The following TAFA4 variants were observed in gnomAD, a reference collection of about 807,000 sequenced individuals.
The protein encoded by TAFA4 is TAFA chemokine like family member 4, also known as chemokine-like protein TAFA-4.
TAFA4 carries 20 observed loss-of-function variants against 21.1 expected under a neutral mutation model. That is an observed-to-expected ratio of 0.95 (90% CI 0.67 to 1.38). The LOEUF (loss-of-function observed/expected upper bound fraction) is 1.38. Among genes scored for constraint, TAFA4 ranks in the 40% most tolerant of loss-of-function variants. The pLI is 0.00. For synonymous variants in TAFA4, 71 were observed against 67.4 expected, an observed-to-expected ratio of 1.05 and a Z score of -0.26; for missense variants, 211 against 180.9, an observed-to-expected ratio of 1.17 and a Z score of -0.95.
At chr3:68,833,115 C>G (rs1299425548) in intron 3 of TAFA4, among the ~76,000 whole-genome samples, 1 of 152,236 alleles carries the variant, frequency 6.6e-6, no homozygotes, top group African/African-American at 2.4e-5. Flanking sequence ...TCACTCACAG[C>G]TTCCCTTGGC....
At chr3:68,882,531 C>T (rs540110974) in intron 2 of TAFA4, among the ~76,000 whole-genome samples, 105 of 152,260 alleles carry the variant, frequency 6.9e-4, no homozygotes, top group Non-Finnish European at 1.2e-3. Flanking sequence ...GCCCAACCAG[C>T]CCAACTCATT....
chr3:68,796,675 ATAAC>A (rs1212103346), intron 3 of TAFA4, among the ~76,000 whole-genome samples: 2 of 152,244 alleles, frequency 1.3e-5, no homozygotes, highest in South Asian at 2.1e-4. Flanking sequence ...ATCAAAAGAC[ATAAC>A]TAACAGCTTG....
intron 1 of TAFA4, among the ~76,000 whole-genome samples, chr3:68,891,497 G>T (rs1323753155): frequency 6.6e-6 from 1 of 152,162 alleles, no homozygotes; most frequent in Non-Finnish European, 1.5e-5. Context: ...GGATCTACCG[G>T]GATAGCCTGG....
Position 68,885,221 on chromosome 3 carries a change from A to G in TAFA4, c.-33T>C. The G allele has an allele frequency of 6.2e-7, 1 of 1,608,670 alleles. No homozygotes were observed. The highest frequency in any genetic ancestry group is 8.5e-7 in the Non-Finnish European group (1 of 1,177,184). On this transcript the variant is annotated 5_prime_UTR_variant, in exon 2 of 6. Coordinates refer to ENST00000295569, the MANE Select transcript of TAFA4 (RefSeq NM_182522.5). ...GGTTCTAGTCAAACACACTTATTCCAGGATATATTTCAGAGTGACTCCAAA... is the reference window on the plus strand; with the variant it reads ...GGTTCTAGTCAAACACACTTATTCCGGGATATATTTCAGAGTGACTCCAAA...
At chr3:68,856,189 A>T (rs9822138) in intron 3 of TAFA4, among the ~76,000 whole-genome samples, 64,053 of 151,938 alleles carry the variant, frequency 0.42, 13,887 homozygotes, top group African/African-American at 0.47. Flanking sequence ...ACCCTAACTG[A>T]TTAACAATCC....
At chr3:68,744,414 C>G (rs1702413822) in intron 4 of TAFA4, among the ~76,000 whole-genome samples, 1 of 152,114 alleles carries the variant, frequency 6.6e-6, no homozygotes, top group African/African-American at 2.4e-5. Flanking sequence ...GGAGTCTGAG[C>G]CAAGTAGTGC....
chr3:68,756,783 A>C (rs1702667593), intron 3 of TAFA4, among the ~76,000 whole-genome samples: 1 of 152,222 alleles, frequency 6.6e-6, no homozygotes, highest in Non-Finnish European at 1.5e-5. Context: ...AACCTAATTA[A>C]ATGTTCATAA....
intron 3 of TAFA4, among the ~76,000 whole-genome samples, chr3:68,858,471 A>G (rs1468656085): frequency 1.3e-5 from 2 of 152,048 alleles, no homozygotes; most frequent in Non-Finnish European, 2.9e-5. Flanking sequence ...AAGAGAAATC[A>G]TCACTTTACT....
At chr3:68,785,514 C>A (rs1703237161) in intron 3 of TAFA4, among the ~76,000 whole-genome samples, 1 of 152,234 alleles carries the variant, frequency 6.6e-6, no homozygotes, top group Non-Finnish European at 1.5e-5. Flanking sequence ...AGCTGCTGGC[C>A]CAGGTGCTAA....
intron 3 of TAFA4, among the ~76,000 whole-genome samples, chr3:68,833,188 C>T (rs1704441344): frequency 6.6e-6 from 1 of 152,226 alleles, no homozygotes; most frequent in Non-Finnish European, 1.5e-5. Flanking sequence ...CCTGCTTAAG[C>T]TTGCCTTCTG....
chr3:68,815,929 T>A (rs1021494437), intron 3 of TAFA4, among the ~76,000 whole-genome samples: 1 of 152,164 alleles, frequency 6.6e-6, no homozygotes, highest in Non-Finnish European at 1.5e-5. Context: ...TGTCCAACAA[T>A]GATAGACTGG....
chr3:68,820,446 A>G (rs1704088616), intron 3 of TAFA4, among the ~76,000 whole-genome samples: 1 of 152,126 alleles, frequency 6.6e-6, no homozygotes, highest in African/African-American at 2.4e-5. Context: ...TGGGAGGTTG[A>G]GGCAGGGGAA....
At chr3:68,735,473 A>G (rs1269710082) in intron 5 of TAFA4, among the ~76,000 whole-genome samples, 3 of 152,226 alleles carry the variant, frequency 2.0e-5, no homozygotes, top group Admixed American at 1.3e-4. Context: ...CACCCTAAGA[A>G]CAACTTTTTT....
intron 4 of TAFA4, among the ~76,000 whole-genome samples, chr3:68,743,295 GC>G (rs1559756016): frequency 6.6e-6 from 1 of 152,058 alleles, no homozygotes; most frequent in Non-Finnish European, 1.5e-5. Context: ...TATATTCTTG[GC>G]CAGGCATGGT....
At chr3:68,922,073 A>T (rs534477763) in intron 1 of TAFA4, among the ~76,000 whole-genome samples, 1 of 152,364 alleles carries the variant, frequency 6.6e-6, no homozygotes, top group South Asian at 2.1e-4. Context: ...AGACAAGCTT[A>T]CCAACATATG....
At chr3:68,815,213 A>G (rs900321044) in intron 3 of TAFA4, among the ~76,000 whole-genome samples, 55 of 152,316 alleles carry the variant, frequency 3.6e-4, no homozygotes, top group African/African-American at 1.1e-3. Flanking sequence ...TAAAAACCCT[A>G]GAAGAAAACC....
chr3:68,783,739 A>C (rs1002871686), intron 3 of TAFA4, among the ~76,000 whole-genome samples: 14 of 149,184 alleles, frequency 9.4e-5, no homozygotes, highest in African/African-American at 3.0e-4. Flanking sequence ...GAAAGAAAGA[A>C]AGAAAGTAAG....
chr3:68,826,098 A>T (rs1704222094), intron 3 of TAFA4, among the ~76,000 whole-genome samples: 1 of 152,222 alleles, frequency 6.6e-6, no homozygotes, highest in Non-Finnish European at 1.5e-5. Flanking sequence ...AAAAGCACAG[A>T]GGCTGGAAAT....
In TAFA4 at chr3:68,835,256, CTG is replaced by C. The variant is rs141063514; in HGVS notation, c.130+45472_130+45473del. Among the ~76,000 whole-genome samples the C allele has an allele frequency of 3.8e-3, 583 of 152,294 alleles. 3 individuals are homozygous for C. The highest frequency in any genetic ancestry group is 0.013 in the African/African-American group (550 of 41,568). Reference sequence around the variant, plus strand: ...ACCTTGCTCCCTCAATTCCTTGACTCTGTGTTATTTTTCTCCTCAGAACTAAT... The same window carrying C: ...ACCTTGCTCCCTCAATTCCTTGACTCTGTTATTTTTCTCCTCAGAACTAAT... On this transcript the variant is annotated intron_variant, in intron 3 of 5. Coordinates refer to ENST00000295569, the MANE Select transcript of TAFA4 (RefSeq NM_182522.5).
Sources: gnomAD v4.1 joint callset for allele counts (sites outside exome capture counted in the v4.1 genomes callset) on GRCh38, gnomAD v4.1.1 for gene constraint, MANE v1.5 for transcripts, NCBI Gene and HGNC (gene_info 2026-07-23, HGNC 2026-07-21) for gene names.